Variants in FIRRM observed in about 807,000 individuals in gnomAD.
The protein encoded by FIRRM is FIGNL1-interacting regulator of recombination and mitosis.
chr1:169,849,086 T>C, the FIRRM span, among the ~76,000 whole-genome samples: 5 of 152,158 alleles, frequency 3.3e-5, no homozygotes, highest in East Asian at 5.8e-4. Flanking sequence ...GTGAGTGCTA[T>C]GGAGAAAAAT....
the FIRRM span, among the ~76,000 whole-genome samples, chr1:169,790,023 C>T: frequency 8.5e-5 from 13 of 152,196 alleles, no homozygotes; most frequent in Admixed American, 5.2e-4. Flanking sequence ...GTTATCATAA[C>T]CCTTAAATGA....
chr1:169,827,154 C>A, the FIRRM span: 1 of 1,613,672 alleles, frequency 6.2e-7, no homozygotes, highest in South Asian at 1.1e-5. Flanking sequence ...CAGTCAGCTG[C>A]TCACATTTCA....
At chr1:169,805,797 G>A in the FIRRM span, among the ~76,000 whole-genome samples, 11 of 152,138 alleles carry the variant, frequency 7.2e-5, no homozygotes, top group African/African-American at 4.8e-5. Flanking sequence ...AACTTCAGAA[G>A]TTAATATTCA....
the FIRRM span, chr1:169,793,060 T>C: frequency 6.2e-7 from 1 of 1,614,168 alleles, no homozygotes; most frequent in Non-Finnish European, 8.5e-7. Context: ...GAAAGTGAAT[T>C]TCTTTGGACC....
At chr1:169,788,820 T>A in the FIRRM span, among the ~76,000 whole-genome samples, 2 of 152,382 alleles carry the variant, frequency 1.3e-5, no homozygotes, top group South Asian at 4.1e-4. Flanking sequence ...ATTTAAGTTA[T>A]AAAGTTGTTC....
chr1:169,830,196 T>C, the FIRRM span: 12 of 1,337,204 alleles, frequency 9.0e-6, no homozygotes, highest in Middle Eastern at 2.5e-4. Context: ...TTGAGAAATA[T>C]AATATTATTG....
At chr1:169,792,439 A>G in the FIRRM span, 2 of 724,970 alleles carry the variant, frequency 2.8e-6, no homozygotes, top group Middle Eastern at 4.0e-4. Flanking sequence ...CTGGTAACAT[A>G]GCTCACTTAC....
the FIRRM span, among the ~76,000 whole-genome samples, chr1:169,817,358 A>G: frequency 6.6e-6 from 1 of 152,230 alleles, no homozygotes. Flanking sequence ...TTGTCTGTGG[A>G]TGACAAAAAG....
chr1:169,837,275 G>A, the FIRRM span, among the ~76,000 whole-genome samples: 4 of 152,210 alleles, frequency 2.6e-5, no homozygotes, highest in Admixed American at 6.5e-5. Flanking sequence ...AAAAGAATCT[G>A]TGAGAAACTT....
the FIRRM span, among the ~76,000 whole-genome samples, chr1:169,791,270 T>C: frequency 6.6e-6 from 1 of 152,228 alleles, no homozygotes; most frequent in Non-Finnish European, 1.5e-5. Flanking sequence ...TGATGAGATA[T>C]AAATTATTTG....
the FIRRM span, among the ~76,000 whole-genome samples, chr1:169,848,191 C>T: frequency 8.1e-4 from 123 of 152,078 alleles, no homozygotes; most frequent in African/African-American, 2.8e-3. Flanking sequence ...TTTTTAAAGA[C>T]GATATTTTTG....
At chr1:169,799,958 A>T in the FIRRM span, among the ~76,000 whole-genome samples, 1 of 152,084 alleles carries the variant, frequency 6.6e-6, no homozygotes, top group Non-Finnish European at 1.5e-5. Context: ...TCCTGGGTTC[A>T]AGCTATTCTC....
the FIRRM span, chr1:169,837,195 A>G: frequency 2.8e-6 from 3 of 1,065,214 alleles, no homozygotes; most frequent in African/African-American, 4.9e-5. Flanking sequence ...TAGGTTGTTA[A>G]TAAGATGCAC....
chr1:169,822,047 T>C, the FIRRM span, among the ~76,000 whole-genome samples: 5 of 152,222 alleles, frequency 3.3e-5, no homozygotes, highest in Non-Finnish European at 5.9e-5. Flanking sequence ...CCTGATAGAA[T>C]TGATTTTTTC....
At chr1:169,792,593 A>G in the FIRRM span, 5 of 1,549,668 alleles carry the variant, frequency 3.2e-6, no homozygotes, top group Non-Finnish European at 3.5e-6. Context: ...AGGAAACTTA[A>G]AAGTTATTTC....
the FIRRM span, chr1:169,832,409 T>G: frequency 6.2e-7 from 1 of 1,602,958 alleles, no homozygotes; most frequent in Non-Finnish European, 8.5e-7. Flanking sequence ...TCTCATGTCT[T>G]TTTCCAGATA....
chr1:169,811,563 G>C, the FIRRM span, among the ~76,000 whole-genome samples: 1 of 152,046 alleles, frequency 6.6e-6, no homozygotes, highest in Non-Finnish European at 1.5e-5. Flanking sequence ...ACTGGGGTGG[G>C]AGGATGCATT....
chr1:169,800,972 G>C, the FIRRM span: 1 of 1,500,756 alleles, frequency 6.7e-7, no homozygotes, highest in South Asian at 1.2e-5. Context: ...GTTACCAAAG[G>C]TATAATACTA....
At chr1:169,832,770 AT>A in the FIRRM span, among the ~76,000 whole-genome samples, 1 of 151,870 alleles carries the variant, frequency 6.6e-6, no homozygotes, top group South Asian at 2.1e-4. Flanking sequence ...CGCCTGGCTA[AT>A]TTTTAAAAAA....
Sources: allele counts gnomAD v4.1 joint callset (sites outside exome capture counted in the v4.1 genomes callset), GRCh38; gene constraint gnomAD v4.1.1; transcripts MANE v1.5; gene names NCBI Gene and HGNC (gene_info 2026-07-23, HGNC 2026-07-21).